The following CNTN1 variants were observed in gnomAD, a reference collection of about 807,000 sequenced individuals.
CNTN1 encodes the protein contactin 1.
CNTN1 carries 38 observed loss-of-function variants against 126.4 expected under a neutral mutation model. The ratio of observed to expected loss-of-function variants is 0.30; its 90% CI spans 0.23 to 0.39. The LOEUF is 0.39. CNTN1 is among the 10% of genes least tolerant of loss of function. The pLI is 1.00. For missense variants in CNTN1, 1,009 were observed against 1,248.4 expected, an observed-to-expected ratio of 0.81 and a Z score of 2.89; for synonymous variants, 413 against 422.6, an observed-to-expected ratio of 0.98 and a Z score of 0.28.
In CNTN1 at chr12:40,915,767, GT is replaced by G. The variant is rs551899874; in HGVS notation, c.95-2871del. ...TGATAGATCATGCTTTTGGTGTTGT[GT>G]CTAAAAACTTACTGAAGTACCCAAA... On this transcript the variant is annotated intron_variant, in intron 3 of 23. Coordinates refer to ENST00000551295, the MANE Select transcript of CNTN1 (RefSeq NM_001843.4). Among the ~76,000 whole-genome samples, 213 of 151,872 alleles carry G rather than the reference GT, an allele frequency of 1.4e-3. 3 individuals carry two copies. In the Middle Eastern group the frequency reaches 0.044, roughly 32 times the overall value.
chr12:40,820,522 G>A (rs933846184), intron 1 of CNTN1, among the ~76,000 whole-genome samples: 1 of 152,164 alleles, frequency 6.6e-6, no homozygotes, highest in Admixed American at 6.5e-5. Flanking sequence ...TGAGACATGG[G>A]CACTTACAGT....
At chr12:40,936,565 A>T (rs1946087598) in intron 9 of CNTN1, among the ~76,000 whole-genome samples, 6 of 152,180 alleles carry the variant, frequency 3.9e-5, no homozygotes, top group Admixed American at 3.9e-4. Context: ...AAATGGAAAA[A>T]TAATGGCTGA....
intron 1 of CNTN1, among the ~76,000 whole-genome samples, chr12:40,829,523 T>G (rs549191606): frequency 6.6e-6 from 1 of 152,078 alleles, no homozygotes; most frequent in African/African-American, 2.4e-5. Context: ...GAAAGAAATT[T>G]AGAGTAATGA....
rs370408372 is a variant in CNTN1 at position 41,044,783 on chromosome 12, G to A, written c.2980+15564G>A. Among the ~76,000 whole-genome samples, 150 of 152,108 alleles carry A rather than the reference G, an allele frequency of 9.9e-4. 1 individual carries two copies. Among genetic ancestry groups the A allele is most frequent in the African/African-American group, 2.5e-3 (105 of 41,544 alleles). ...AATGTAATTATAGTGAAGAATTTTCGGAGAATGAACCAATAGTCCTAAGGG... is the reference window on the plus strand; with the variant it reads ...AATGTAATTATAGTGAAGAATTTTCAGAGAATGAACCAATAGTCCTAAGGG... On this transcript the variant is annotated intron_variant, in intron 23 of 23. Coordinates refer to ENST00000551295, the MANE Select transcript of CNTN1 (RefSeq NM_001843.4).
chr12:40,984,472 A>C (rs1947904208), intron 16 of CNTN1, among the ~76,000 whole-genome samples: 1 of 152,178 alleles, frequency 6.6e-6, no homozygotes, highest in African/African-American at 2.4e-5. Flanking sequence ...GTGAAAGCAA[A>C]TTGGCTTGTC....
intron 1 of CNTN1, among the ~76,000 whole-genome samples, chr12:40,793,561 C>A (rs1389611974): frequency 9.9e-5 from 15 of 151,804 alleles, no homozygotes; most frequent in Non-Finnish European, 2.9e-5. Context: ...ATAAGAAAAA[C>A]AATAATGCCC....
intron 1 of CNTN1, among the ~76,000 whole-genome samples, chr12:40,896,287 G>A (rs1034095698): frequency 1.2e-4 from 19 of 152,014 alleles, no homozygotes; most frequent in African/African-American, 4.3e-4. Flanking sequence ...TATGTATAAG[G>A]TATGTTTTTT....
At chr12:40,927,990 A>T (rs531941867) in intron 6 of CNTN1, among the ~76,000 whole-genome samples, 14 of 152,198 alleles carry the variant, frequency 9.2e-5, no homozygotes, top group African/African-American at 3.4e-4. Flanking sequence ...CTGGCCTGAT[A>T]AAAAAGTCAT....
At chr12:40,780,304 A>T (rs144658168) in intron 1 of CNTN1, among the ~76,000 whole-genome samples, 15 of 152,024 alleles carry the variant, frequency 9.9e-5, no homozygotes, top group African/African-American at 3.6e-4. Flanking sequence ...TCACATACAT[A>T]TCCCAATTGG....
intron 15 of CNTN1, among the ~76,000 whole-genome samples, chr12:40,964,959 G>C (rs1007414215): frequency 1.3e-5 from 2 of 152,096 alleles, no homozygotes; most frequent in Non-Finnish European, 2.9e-5. Flanking sequence ...ACTCTTCACT[G>C]TCCAGACAAA....
intron 1 of CNTN1, among the ~76,000 whole-genome samples, chr12:40,776,494 A>G (rs1436597681): frequency 1.3e-5 from 2 of 151,676 alleles, no homozygotes; most frequent in Non-Finnish European, 3.0e-5. Flanking sequence ...CTGTGGGGTC[A>G]ATTACTCATG....
At chr12:40,843,288 G>A (rs998325811) in intron 1 of CNTN1, among the ~76,000 whole-genome samples, 4 of 151,988 alleles carry the variant, frequency 2.6e-5, no homozygotes, top group Non-Finnish European at 5.9e-5. Context: ...CATATTGATT[G>A]GAAAATTAAT....
Position 40,728,207 on chromosome 12 carries a change from G to GT in CNTN1, c.-77+35622dup, listed in dbSNP as rs1025562342. Among the ~76,000 whole-genome samples the GT allele has an allele frequency of 7.9e-5, 12 of 152,244 alleles. No individual in the cohort carries two copies. In the East Asian group the frequency reaches 1.9e-3, roughly 24 times the overall value. Reference sequence around the variant, plus strand: ...AGTAGTATAAGTAAGAAAAGGCTTTGTTTTTTTCATGAAACAGGAAGTCCA... The same window carrying GT: ...AGTAGTATAAGTAAGAAAAGGCTTTGTTTTTTTTCATGAAACAGGAAGTCCA... On this transcript the variant is annotated intron_variant, in intron 1 of 23. Transcript: ENST00000551295.
chr12:40,908,738 C>T (rs1944924041), intron 2 of CNTN1, among the ~76,000 whole-genome samples: 1 of 152,022 alleles, frequency 6.6e-6, no homozygotes, highest in African/African-American at 2.4e-5. Flanking sequence ...CTGGGGAGAT[C>T]CCTGGAGTGT....
intron 17 of CNTN1, among the ~76,000 whole-genome samples, chr12:40,996,672 T>C (rs1400603412): frequency 6.6e-6 from 1 of 152,158 alleles, no homozygotes; most frequent in African/African-American, 2.4e-5. Flanking sequence ...TTTATAAGCA[T>C]AGAAGAAAGA....
At chr12:40,919,150 A>G (rs560581872) in intron 4 of CNTN1, among the ~76,000 whole-genome samples, 37 of 152,286 alleles carry the variant, frequency 2.4e-4, no homozygotes, top group Middle Eastern at 3.4e-3. Context: ...TCATACCTAC[A>G]GATATGGATA....
At chr12:40,891,584 A>T (rs1399095079) in intron 1 of CNTN1, among the ~76,000 whole-genome samples, 1 of 151,848 alleles carries the variant, frequency 6.6e-6, no homozygotes, top group East Asian at 1.9e-4. Flanking sequence ...ACGTAGCTAA[A>T]TTTTTTTTGT....
At chr12:40,939,187 A>T (rs1946180222) in intron 11 of CNTN1, 148 bp from the exon 12 acceptor site, 1 of 766,636 alleles carries the variant, frequency 1.3e-6, no homozygotes, top group Admixed American at 2.6e-5. Flanking sequence ...CATTAGGTAT[A>T]GAATGCCTAT....
chr12:40,985,418 G>A (rs542125860), intron 16 of CNTN1, among the ~76,000 whole-genome samples: 10 of 151,820 alleles, frequency 6.6e-5, no homozygotes, highest in Non-Finnish European at 1.5e-4. Flanking sequence ...TGGACTCAAA[G>A]GTTTTTACAT....
Sources: gnomAD v4.1 joint callset for allele counts (sites outside exome capture counted in the v4.1 genomes callset) on GRCh38, gnomAD v4.1.1 for gene constraint, MANE v1.5 for transcripts, NCBI Gene and HGNC (gene_info 2026-07-23, HGNC 2026-07-21) for gene names.